PATJ: variants seen among roughly 807,000 people sequenced by gnomAD.
The protein encoded by PATJ is inaD-like protein.
PATJ carries 190 observed loss-of-function variants against 224.9 expected under a neutral mutation model. The observed-to-expected ratio is 0.84, with a 90% CI of 0.75 to 0.95. The LOEUF (loss-of-function observed/expected upper bound fraction) is 0.95. Among genes scored for constraint, PATJ ranks in the 40% least tolerant of loss-of-function variants. The pLI is 0.00. For missense variants in PATJ, 2,121 were observed against 2,270.3 expected (o/e 0.93, Z 1.34); for synonymous variants, 769 against 820.3 (o/e 0.94, Z 1.07).
At chr1:61,744,316 ATTATCTTATC>A (rs149828276) in intron 1 of PATJ, among the ~76,000 whole-genome samples, 4 of 147,606 alleles carry the variant, frequency 2.7e-5, no homozygotes, top group African/African-American at 7.5e-5. Flanking sequence ...AGGAAAAAAG[ATTATCTTATC>A]TTATCTTATC....
chr1:62,045,722 A>G (rs1027380719), intron 30 of PATJ, among the ~76,000 whole-genome samples: 2 of 152,176 alleles, frequency 1.3e-5, no homozygotes, highest in African/African-American at 4.8e-5. Context: ...TTGGGTGTCA[A>G]CTGGCCCCCA....
chr1:61,887,549 G>A (rs550325855), intron 22 of PATJ, among the ~76,000 whole-genome samples: 2 of 152,250 alleles, frequency 1.3e-5, no homozygotes, highest in African/African-American at 4.8e-5. Flanking sequence ...TTTTTCCAAT[G>A]CCCCAGGGAG....
chr1:61,928,882 A>G (rs745605533), intron 27 of PATJ, among the ~76,000 whole-genome samples: 33 of 152,298 alleles, frequency 2.2e-4, no homozygotes, highest in South Asian at 2.1e-4. Flanking sequence ...CAATTTTATG[A>G]AGCCCTTTCT....
At chr1:62,033,759 G>A (rs1649784478) in intron 29 of PATJ, among the ~76,000 whole-genome samples, 1 of 152,140 alleles carries the variant, frequency 6.6e-6, no homozygotes, top group Non-Finnish European at 1.5e-5. Context: ...GAAAGCATGG[G>A]GCGGTTTCCG....
Position 62,018,253 on chromosome 1 carries a change from T to A in PATJ, c.3959+306T>A, listed in dbSNP as rs1029438358. On this transcript the variant is annotated intron_variant, in intron 29 of 43. Transcript: ENST00000642238. The surrounding 1 kb of genome is among the most constrained non-coding windows in gnomAD (Gnocchi z 4.2). ...AAATATAATGAAACCTGCTAACTTC[T>A]CTTCCTGTCACTACTATTTGGTACA... is the stretch of plus-strand genomic sequence containing the variant. Among the ~76,000 whole-genome samples the A allele has an allele frequency of 3.9e-5, 6 of 152,242 alleles. No homozygotes were observed. The highest frequency in any genetic ancestry group is 1.3e-4 in the Admixed American group (2 of 15,290).
intron 3 of PATJ, among the ~76,000 whole-genome samples, chr1:61,765,760 G>A (rs777075087): frequency 1.3e-5 from 2 of 151,920 alleles, no homozygotes; most frequent in East Asian, 3.9e-4. Context: ...TGTGTGCCTC[G>A]GTTTTTAGGC....
At chr1:61,882,883 C>T (rs142173258) in intron 21 of PATJ, among the ~76,000 whole-genome samples, 5 of 152,298 alleles carry the variant, frequency 3.3e-5, no homozygotes, top group African/African-American at 1.2e-4. Flanking sequence ...TGCTTTTAAA[C>T]AATAAACCAT....
At chr1:62,037,298 CT>C (rs1256805661) in intron 29 of PATJ, among the ~76,000 whole-genome samples, 1 of 152,030 alleles carries the variant, frequency 6.6e-6, no homozygotes, top group African/African-American at 2.4e-5. Context: ...CAACCATTTG[CT>C]AGTAATGTGG....
intron 27 of PATJ, among the ~76,000 whole-genome samples, chr1:61,939,317 T>TCTCA (rs1553212314): frequency 2.1e-5 from 3 of 142,484 alleles, no homozygotes; most frequent in Non-Finnish European, 4.5e-5. Context: ...AACTTTGCAT[T>TCTCA]CACACACACA....
At chr1:61,783,092 G>A (rs955458725) in intron 7 of PATJ, among the ~76,000 whole-genome samples, 2 of 152,194 alleles carry the variant, frequency 1.3e-5, no homozygotes, top group African/African-American at 4.8e-5. Flanking sequence ...GACTTTCAGT[G>A]TAGAGTAAGG....
chr1:61,753,125 A>G (rs778665433), intron 1 of PATJ, among the ~76,000 whole-genome samples: 6 of 152,210 alleles, frequency 3.9e-5, no homozygotes, highest in Non-Finnish European at 8.8e-5. Flanking sequence ...AGAAACTTAA[A>G]CCTTCAATTT....
chr1:61,810,696 CAAAAAATA>C (rs1421647742), intron 14 of PATJ, among the ~76,000 whole-genome samples: 1 of 125,906 alleles, frequency 7.9e-6, no homozygotes, highest in African/African-American at 3.2e-5. Context: ...GACTCTGTCT[CAAAAAATA>C]AATAAATAAA....
At chr1:61,885,478 T>C (rs1668688454) in intron 22 of PATJ, among the ~76,000 whole-genome samples, 1 of 151,986 alleles carries the variant, frequency 6.6e-6, no homozygotes, top group Admixed American at 6.6e-5. Context: ...CACAATGAGA[T>C]ACCATCTCAC....
intron 6 of PATJ, among the ~76,000 whole-genome samples, chr1:61,774,622 A>T (rs1646815146): frequency 1.3e-5 from 2 of 151,994 alleles, no homozygotes. Flanking sequence ...AACTATTTCC[A>T]CTTGATTACC....
At chr1:61,775,106 A>G (rs1646840067) in intron 6 of PATJ, 100 bp from the exon 7 acceptor site, 2 of 1,239,882 alleles carry the variant, frequency 1.6e-6, no homozygotes, top group African/African-American at 1.5e-5. Flanking sequence ...TGAATGTTCA[A>G]TTTGTTGCAA....
chr1:62,075,675 T>A (rs1051741265), intron 31 of PATJ, among the ~76,000 whole-genome samples: 1 of 151,970 alleles, frequency 6.6e-6, no homozygotes, highest in Admixed American at 6.6e-5. Context: ...TCCCAGCACT[T>A]TGGGAGGCCG....
chr1:62,159,474 G>A (rs989591437), intron 43 of PATJ, among the ~76,000 whole-genome samples: 2 of 152,002 alleles, frequency 1.3e-5, no homozygotes, highest in South Asian at 2.1e-4. Context: ...TTACAGGCAT[G>A]AGCCACCATG....
rs1200071169 is a variant in PATJ, at chr1:61,805,495, A to G, written c.1597A>G (p.Asn533Asp). The G allele has an allele frequency of 3.1e-6, 5 of 1,605,406 alleles. No homozygotes were observed. The highest frequency in any genetic ancestry group is 4.3e-6 in the Non-Finnish European group (5 of 1,172,198). The change falls in exon 13 of 44, where the codon AAC (asparagine) becomes GAC (aspartate). Residue 533 changes from asparagine to aspartate, a missense_variant. Physicochemically the swap from Asn to Asp is conservative, Grantham distance 23. Transcript: ENST00000642238. ...AAATGAGCTGAAATCCAGATGGGAAAACCTGTTGGGTCCTGATTATGAAGT... is the reference window on the plus strand; with the variant it reads ...AAATGAGCTGAAATCCAGATGGGAAGACCTGTTGGGTCCTGATTATGAAGT... Reference protein sequence around the residue: ...PENELKSRWENLLGPDYEVMV... With the variant: ...PENELKSRWEDLLGPDYEVMV...
chr1:61,847,378 C>T (rs2148867339), intron 17 of PATJ, among the ~76,000 whole-genome samples: 1 of 152,254 alleles, frequency 6.6e-6, no homozygotes, highest in East Asian at 1.9e-4. Flanking sequence ...TTATTGCTTT[C>T]TGTGCTGTGC....
Sources: allele counts gnomAD v4.1 joint callset (sites outside exome capture counted in the v4.1 genomes callset), GRCh38; gene constraint gnomAD v4.1.1; non-coding constraint Gnocchi (gnomAD v3.1); transcripts MANE v1.5; gene names NCBI Gene and HGNC (gene_info 2026-07-23, HGNC 2026-07-21).